Variants in BPIFC observed in about 807,000 individuals in gnomAD.
BPIFC encodes the protein BPI fold containing family C, also known as BPI fold-containing family C protein.
A neutral mutation model predicts 57.6 loss-of-function variants in BPIFC; 60 were observed. That is an observed-to-expected ratio of 1.04 (90% confidence interval 0.85 to 1.29). The LOEUF is 1.29. Ranked by LOEUF, BPIFC falls within the 50% of genes most tolerant of loss-of-function variation. BPIFC has a pLI of 0.00. For synonymous variants in BPIFC, 243 were observed against 224.5 expected (o/e 1.08, Z -0.74); for missense variants, 581 against 600.5 (o/e 0.97, Z 0.34).
intron 13 of BPIFC, among the ~76,000 whole-genome samples, chr22:32,428,104 G>A (rs557873298): frequency 6.6e-6 from 1 of 152,114 alleles, no homozygotes; most frequent in South Asian, 2.1e-4. Context: ...GACTTCTGGA[G>A]GCCTGAGGCA....
At chr22:32,461,343 C>T (rs376934698) in intron 2 of BPIFC, among the ~76,000 whole-genome samples, 2 of 152,194 alleles carry the variant, frequency 1.3e-5, no homozygotes, top group East Asian at 1.9e-4. Flanking sequence ...GAAAGGATGA[C>T]TTGAGGGTGG....
At chr22:32,433,291 C>T (rs1368431119) in intron 11 of BPIFC, among the ~76,000 whole-genome samples, 1 of 152,194 alleles carries the variant, frequency 6.6e-6, no homozygotes, top group East Asian at 1.9e-4. Flanking sequence ...ATCTCTTTGT[C>T]CTCAAGGGCA....
intron 11 of BPIFC, 36 bp from the exon 12 acceptor site, chr22:32,432,579 G>C: frequency 1.2e-6 from 2 of 1,602,072 alleles, no homozygotes; most frequent in Non-Finnish European, 1.7e-6. Context: ...AAGATTGTGA[G>C]GCGTGAGTTG....
intron 3 of BPIFC, among the ~76,000 whole-genome samples, chr22:32,454,351 A>C (rs1358535951): frequency 6.6e-6 from 1 of 152,180 alleles, no homozygotes; most frequent in Non-Finnish European, 1.5e-5. Flanking sequence ...TCGTGTGTGC[A>C]TATGTGTCTC....
intron 13 of BPIFC, among the ~76,000 whole-genome samples, chr22:32,426,497 C>T (rs1934070447): frequency 6.6e-6 from 1 of 152,222 alleles, no homozygotes; most frequent in Non-Finnish European, 1.5e-5. Flanking sequence ...TGCCCCCAGC[C>T]TGCTCACTGC....
rs991474252 is a variant in BPIFC at position 32,435,647 on chromosome 22, A to T, written c.924+57T>A. 3.5e-5 allele frequency: 54 copies of T among 1,535,910 alleles called. No homozygotes were observed. In the Admixed American group the frequency reaches 1.0e-3, roughly 29 times the overall value. On this transcript the variant is annotated intron_variant, in intron 10 of 16. Transcript: ENST00000300399. ...TGGCATAAAAGTTCTACAATAGGAT[A>T]CTTATAAAAAGGCTGAATGATGGTG... is the stretch of plus-strand genomic sequence containing the variant.
intron 7 of BPIFC, among the ~76,000 whole-genome samples, chr22:32,443,186 C>T (rs1345966918): frequency 2.2e-5 from 3 of 137,602 alleles, no homozygotes; most frequent in African/African-American, 5.4e-5. Flanking sequence ...TTTTTTGAGA[C>T]GAAGTCTCGC....
intron 8 of BPIFC, among the ~76,000 whole-genome samples, chr22:32,439,334 A>T (rs957556276): frequency 7.2e-5 from 11 of 152,108 alleles, no homozygotes; most frequent in South Asian, 2.1e-4. Flanking sequence ...TAAAAAAAAA[A>T]AAATAAATGA....
At chr22:32,439,260 G>T (rs535543964) in intron 8 of BPIFC, among the ~76,000 whole-genome samples, 2 of 152,206 alleles carry the variant, frequency 1.3e-5, no homozygotes, top group African/African-American at 4.8e-5. Context: ...AGGAGGCGCA[G>T]GTTGCGGTGA....
intron 1 of BPIFC, among the ~76,000 whole-genome samples, chr22:32,462,884 G>A (rs1044062066): frequency 1.3e-5 from 2 of 152,156 alleles, no homozygotes; most frequent in Non-Finnish European, 2.9e-5. Context: ...TAGGGTACAT[G>A]TGCACAGAAA....
At chr22:32,438,294 A>G (rs1018224788) in intron 8 of BPIFC, among the ~76,000 whole-genome samples, 1 of 152,260 alleles carries the variant, frequency 6.6e-6, no homozygotes, top group African/African-American at 2.4e-5. Flanking sequence ...GATAACTGAA[A>G]CTGCAGAAGG....
chr22:32,452,490 T>C (rs1339881881), intron 4 of BPIFC, among the ~76,000 whole-genome samples: 4 of 150,472 alleles, frequency 2.7e-5, no homozygotes, highest in African/African-American at 9.8e-5. Flanking sequence ...CAAAAAAAAA[T>C]TAGCCGGGCG....
intron 9 of BPIFC, among the ~76,000 whole-genome samples, chr22:32,437,438 T>C (rs1163801936): frequency 6.6e-6 from 1 of 152,226 alleles, no homozygotes; most frequent in African/African-American, 2.4e-5. Context: ...TCACCCAGGC[T>C]GGAATGCAGT....
At chr22:32,443,943 A>G (rs1000881881) in intron 7 of BPIFC, among the ~76,000 whole-genome samples, 1 of 152,222 alleles carries the variant, frequency 6.6e-6, no homozygotes, top group Non-Finnish European at 1.5e-5. Flanking sequence ...TGGGAAAACC[A>G]AAGCTTAGAG....
In BPIFC at chr22:32,445,878, G is replaced by A; in HGVS notation, c.493C>T (p.Leu165=). 1.9e-6 allele frequency: 3 copies of A among 1,614,166 alleles called. No individual in the cohort carries two copies. Among genetic ancestry groups the A allele is most frequent in the Non-Finnish European group, 2.5e-6 (3 of 1,180,036 alleles). The change falls in exon 6 of 17, where the codon CTG becomes TTG. Residue 165 remains leucine, a synonymous_variant. Transcript: ENST00000300399. ...GAAAATGAGACGTGGGCATGGCTCA[G>A]TTGGGCGTAGCAATCTTGGAGCTTC... is the stretch of plus-strand genomic sequence containing the variant. ...TLKLQDCYAQ[L]SHAHVSFSGE...
chr22:32,449,293 C>T (rs1934820559), intron 4 of BPIFC, among the ~76,000 whole-genome samples: 1 of 152,170 alleles, frequency 6.6e-6, no homozygotes, highest in Admixed American at 6.6e-5. Flanking sequence ...AAAAGAAGTG[C>T]TACTCACAGG....
At chr22:32,454,450 A>G (rs1337452804) in intron 3 of BPIFC, among the ~76,000 whole-genome samples, 1 of 152,174 alleles carries the variant, frequency 6.6e-6, no homozygotes, top group Non-Finnish European at 1.5e-5. Flanking sequence ...CTTTTGTTTC[A>G]TCCTGGAATA....
chr22:32,426,613 C>T (rs945812321), intron 13 of BPIFC, among the ~76,000 whole-genome samples: 9 of 152,188 alleles, frequency 5.9e-5, no homozygotes, highest in Admixed American at 5.2e-4. Context: ...AATTCTTGAC[C>T]AGGCACGGTG....
In BPIFC at chr22:32,436,369, AGG is replaced by A. The variant is rs1329330754; in HGVS notation, c.748-491_748-490del. ...GAAGAGGAGGAGGAGGAGGAGGAGGAGGAGGAGGAAGAGGAGGAGGAGGAAGA... is the reference window on the plus strand; with the variant it reads ...GAAGAGGAGGAGGAGGAGGAGGAGGAAGGAGGAAGAGGAGGAGGAGGAAGA... On this transcript the variant is annotated intron_variant, in intron 9 of 16. Coordinates refer to ENST00000300399, the MANE Select transcript of BPIFC (RefSeq NM_174932.3). Among the ~76,000 whole-genome samples, 71 of 101,888 alleles carry A rather than the reference AGG, an allele frequency of 7.0e-4. 2 individuals carry two copies. Among genetic ancestry groups the A allele is most frequent in the African/African-American group, 2.1e-3 (66 of 32,148 alleles). The allele number at this position is 101,888 out of a possible 152,430, so 66.8% of individuals were successfully genotyped here.
Sources: gnomAD v4.1 joint callset for allele counts (sites outside exome capture counted in the v4.1 genomes callset) on GRCh38, gnomAD v4.1.1 for gene constraint, MANE v1.5 for transcripts, NCBI Gene and HGNC (gene_info 2026-07-23, HGNC 2026-07-21) for gene names.